TMPRSS6: variants seen among roughly 807,000 people sequenced by gnomAD.
TMPRSS6 encodes transmembrane protease serine 6.
A neutral mutation model predicts 101.5 loss-of-function variants in TMPRSS6; 67 were observed. That is an observed-to-expected ratio of 0.66 (90% CI 0.54 to 0.81). TMPRSS6 has a LOEUF of 0.81. Among genes scored for constraint, TMPRSS6 ranks in the 30% least tolerant of loss-of-function variants. The pLI is 0.00. For missense variants in TMPRSS6, 1,034 were observed against 1,088.7 expected (o/e 0.95, Z 0.71); for synonymous variants, 453 against 464.9 (o/e 0.97, Z 0.33).
intron 6 of TMPRSS6, among the ~76,000 whole-genome samples, chr22:37,095,251 A>C (rs752500373): frequency 5.9e-5 from 9 of 152,180 alleles, no homozygotes; most frequent in Non-Finnish European, 1.3e-4. Flanking sequence ...ATGATAGAGG[A>C]GAGTCACGTT....
chr22:37,066,763 C>G (rs1420809642), intron 17 of TMPRSS6, 63 bp downstream of exon 17: 2 of 1,610,326 alleles, frequency 1.2e-6, no homozygotes, highest in Non-Finnish European at 1.7e-6. Context: ...AAGGGCCAGA[C>G]CCTGGTGATG....
intron 10 of TMPRSS6, among the ~76,000 whole-genome samples, chr22:37,078,971 GAA>G (rs376116581): frequency 0.3 from 13,557 of 45,470 alleles, 885 homozygotes; most frequent in African/African-American, 0.44. Flanking sequence ...AAGAAAGAAA[GAA>G]AAAGAAAGAA....
At chr22:37,078,092 C>G (rs1927832072) in intron 10 of TMPRSS6, among the ~76,000 whole-genome samples, 1 of 152,220 alleles carries the variant, frequency 6.6e-6, no homozygotes, top group African/African-American at 2.4e-5. Context: ...AGAAGGACCT[C>G]AGGAAGTAGA....
chr22:37,090,567 CT>C (rs1334780980), intron 6 of TMPRSS6, among the ~76,000 whole-genome samples: 1 of 152,210 alleles, frequency 6.6e-6, no homozygotes, highest in African/African-American at 2.4e-5. Flanking sequence ...AGGCCAGAAA[CT>C]GAACTGAATG....
chr22:37,068,202 G>A (rs1321064357), intron 16 of TMPRSS6, among the ~76,000 whole-genome samples: 1 of 152,038 alleles, frequency 6.6e-6, no homozygotes, highest in Non-Finnish European at 1.5e-5. Context: ...CGCCTGGTAC[G>A]TACTTGGTGC....
intron 6 of TMPRSS6, among the ~76,000 whole-genome samples, chr22:37,091,927 G>A (rs1466438358): frequency 1.3e-5 from 2 of 152,206 alleles, no homozygotes; most frequent in African/African-American, 4.8e-5. Context: ...GCTGACTGCA[G>A]TGGGGAGCTG....
At chr22:37,099,713 A>C (rs1260338561) in intron 2 of TMPRSS6, among the ~76,000 whole-genome samples, 1 of 152,206 alleles carries the variant, frequency 6.6e-6, no homozygotes, top group Admixed American at 6.5e-5. Context: ...GAATCAGGGC[A>C]TGGGACGGGC....
chr22:37,095,556 G>T lies in TMPRSS6; in HGVS notation c.626C>A (p.Thr209Lys). The T allele has an allele frequency of 6.2e-7, 1 of 1,611,768 alleles. No individual in the cohort carries two copies. The highest frequency in any genetic ancestry group is 8.5e-7 in the Non-Finnish European group (1 of 1,179,626). The stretch of plus-strand genomic sequence containing the variant: ...GGGAAAAAAAAATAGCGTACCCAGC[G>T]TGGAATTCAATGCAGCTATGTCTTT... ...SVKDIAALNS[T>K]LGCYRYSYVG... The change falls in exon 6 of 18, where the codon ACG becomes AAG. Residue 209 changes from threonine to lysine, a missense_variant. Thr to Lys is a moderately conservative substitution (Grantham distance 78, BLOSUM62 -1). Coordinates refer to ENST00000676104, the MANE Select transcript of TMPRSS6 (RefSeq NM_001374504.1).
intron 10 of TMPRSS6, chr22:37,082,897 AGG>A (rs1287958984): frequency 1.6e-4 from 71 of 450,398 alleles, no homozygotes; most frequent in Non-Finnish European, 2.3e-5. Flanking sequence ...AATTGCAAAA[AGG>A]AGTCAAGCAA....
At chr22:37,098,377 C>G (rs1349920183) in intron 3 of TMPRSS6, 39 bp downstream of exon 3, 12 of 1,613,836 alleles carry the variant, frequency 7.4e-6, no homozygotes, top group Non-Finnish European at 8.5e-6. Context: ...CTTTTCACCC[C>G]CATATTCCCT....
At position 37,069,853 on chromosome 22, in the gene TMPRSS6, G is replaced by T. The variant is rs750529077; in HGVS notation, c.1842-509C>A. Among the ~76,000 whole-genome samples the T allele has an allele frequency of 9.2e-5, 14 of 152,186 alleles. No individual in the cohort carries two copies. The highest frequency in any genetic ancestry group is 1.9e-4 in the Non-Finnish European group (13 of 68,028). ...TGGGTGGCAGATGGGCAGCCTTCGG[G>T]TCTCTACCCTCTACCTGAGGGCAGT... On this transcript the variant is annotated intron_variant, in intron 15 of 17. Coordinates refer to ENST00000676104, the MANE Select transcript of TMPRSS6 (RefSeq NM_001374504.1). This position sits in a 1 kb window ranked among gnomAD's most constrained non-coding sequence, Gnocchi z 4.8.
At position 37,074,996 on chromosome 22, in the gene TMPRSS6, C is replaced by T. The variant is rs949240440; in HGVS notation, c.1342+139G>A. On this transcript the variant is annotated intron_variant, in intron 11 of 17. Transcript: ENST00000676104. ...ACAAAGCTGCATAAATTTGTGCAAG[C>T]ACATACACACACACACACACTCTCT... The T allele has an allele frequency of 2.8e-6, 4 of 1,439,198 alleles. No individual in the cohort carries two copies. The African/African-American group carries it at 5.8e-5, about 21-fold the overall frequency. The allele number at this position is 1,439,198 out of a possible 1,614,324, so 89.2% of individuals were successfully genotyped here. A position where few individuals can be genotyped will look rare whatever the true frequency, so the allele number is the denominator to read the frequency against.
chr22:37,095,643 AAG>A (rs1929686509), intron 5 of TMPRSS6, 51 bp from the exon 6 acceptor site: 2 of 1,491,756 alleles, frequency 1.3e-6, no homozygotes, highest in Non-Finnish European at 1.8e-6. Flanking sequence ...AAAAAAAAAA[AAG>A]AAAAGAAAAT....
intron 10 of TMPRSS6, among the ~76,000 whole-genome samples, chr22:37,078,943 G>A (rs1219475831): frequency 8.0e-6 from 1 of 124,724 alleles, no homozygotes; most frequent in South Asian, 2.9e-4. Flanking sequence ...GAAGGAGAAG[G>A]AGAAGGAGAA....
intron 16 of TMPRSS6, 98 bp downstream of exon 16, chr22:37,068,975 C>A: frequency 6.7e-7 from 1 of 1,490,828 alleles, no homozygotes; most frequent in Non-Finnish European, 8.9e-7. Context: ...TGGGGTGGAG[C>A]CCCGGGACCC....
chr22:37,069,414 G>A lies in TMPRSS6; in HGVS notation c.1842-70C>T. 7.0e-7 allele frequency: 1 copy of A among 1,430,698 alleles called. No individual in the cohort carries two copies. Among genetic ancestry groups the A allele is most frequent in the Non-Finnish European group, 9.4e-7 (1 of 1,062,110 alleles). 88.6% of individuals were successfully genotyped at this position (1,430,698 alleles called of 1,614,324 possible). A position where few individuals can be genotyped will look rare whatever the true frequency, so the allele number is the denominator to read the frequency against. On this transcript the variant is annotated intron_variant, in intron 15 of 17. Coordinates refer to ENST00000676104, the MANE Select transcript of TMPRSS6 (RefSeq NM_001374504.1). This position sits in a 1 kb window ranked among gnomAD's most constrained non-coding sequence, Gnocchi z 4.8. ...GAGGAAGCTGCCTCTCCCCATCCAG[G>A]GACCCTCAAGATAGCCAGATCCCCG...
chr22:37,086,039 G>A (rs1569012222), intron 8 of TMPRSS6, among the ~76,000 whole-genome samples: 1 of 149,608 alleles, frequency 6.7e-6, no homozygotes, highest in African/African-American at 2.5e-5. Flanking sequence ...GCAAGGGAGC[G>A]ATGCCAGGAA....
At chr22:37,082,957 G>A (rs1161593532) in intron 10 of TMPRSS6, 1 of 470,146 alleles carries the variant, frequency 2.1e-6, no homozygotes, top group African/African-American at 2.0e-5. Flanking sequence ...CTTTTGAATA[G>A]GATCAGCCAA....
chr22:37,110,230 G>A (rs953563409), upstream of TMPRSS6, among the ~76,000 whole-genome samples: 2 of 138,158 alleles, frequency 1.4e-5, no homozygotes, highest in South Asian at 2.5e-4. Flanking sequence ...TGCAACCTCC[G>A]CCTCCCGGGT....
Sources: gnomAD v4.1 joint callset for allele counts (sites outside exome capture counted in the v4.1 genomes callset) on GRCh38, gnomAD v4.1.1 for gene constraint, Gnocchi (gnomAD v3.1) non-coding constraint, MANE v1.5 for transcripts, NCBI Gene and HGNC (gene_info 2026-07-23, HGNC 2026-07-21) for gene names.